NRIP1: variants seen among roughly 807,000 people sequenced by gnomAD.
NRIP1 encodes the protein nuclear receptor-interacting protein 1.
In NRIP1, 28 loss-of-function variants were observed where a neutral mutation model predicts 75.0. That is an observed-to-expected ratio of 0.37 (90% CI 0.28 to 0.51). The LOEUF (loss-of-function observed/expected upper bound fraction) is 0.51, where lower values mean the gene tolerates loss of function less well. Ranked by LOEUF, NRIP1 falls within the 20% of genes least tolerant of loss-of-function variation. The pLI is 0.92. For missense variants in NRIP1, 1,435 were observed against 1,343.7 expected, an observed-to-expected ratio of 1.07 and a Z score of -1.06; for synonymous variants, 526 against 487.6, an observed-to-expected ratio of 1.08 and a Z score of -1.04.
intron 2 of NRIP1, among the ~76,000 whole-genome samples, chr21:15,022,271 A>C (rs1465551040): frequency 6.6e-6 from 1 of 152,210 alleles, no homozygotes; most frequent in African/African-American, 2.4e-5. Flanking sequence ...TATCCTCAGC[A>C]AACTAACGCG....
rs148357120 is a variant in NRIP1, at chr21:15,057,379, G to A, written c.-538+7366C>T. On this transcript the variant is annotated intron_variant, in intron 1 of 3. Transcript: ENST00000318948. ...TTTCACTGCCTCAAATAACACCGCA[G>A]TAATTCTGTGATACACTTCAGAAGA... Among the ~76,000 whole-genome samples, 1,047 of 152,302 alleles carry A rather than the reference G, an allele frequency of 6.9e-3. 10 individuals are homozygous for A. The highest frequency in any genetic ancestry group is 0.024 in the African/African-American group (982 of 41,558).
intron 1 of NRIP1, among the ~76,000 whole-genome samples, chr21:15,058,701 G>A (rs1442798415): frequency 6.6e-6 from 1 of 151,980 alleles, no homozygotes; most frequent in African/African-American, 2.4e-5. Context: ...GTACATAAAC[G>A]ATTCCCCATC....
chr21:15,062,846 T>G (rs1332025994), intron 1 of NRIP1, among the ~76,000 whole-genome samples: 2 of 152,232 alleles, frequency 1.3e-5, no homozygotes, highest in Non-Finnish European at 2.9e-5. Flanking sequence ...CACACTTCTT[T>G]AGTGCAAAGT....
At chr21:15,012,540 G>A (rs1393751156) in intron 3 of NRIP1, among the ~76,000 whole-genome samples, 3 of 119,068 alleles carry the variant, frequency 2.5e-5, no homozygotes, top group South Asian at 2.9e-4. Flanking sequence ...CTGCAACCCC[G>A]ACTGCCGACT....
At position 14,966,221 on chromosome 21, in the gene NRIP1, T is replaced by C; in HGVS notation, c.1972A>G (p.Asn658Asp). 1.2e-6 allele frequency: 2 copies of C among 1,613,998 alleles called. No homozygotes were observed. Among genetic ancestry groups the C allele is most frequent in the Admixed American group, 3.3e-5 (2 of 59,980 alleles). Residue 658 changes from asparagine (N) to aspartate (D), a missense_variant, in exon 4 of 4, where the codon AAC becomes GAC. Transcript: ENST00000318948. Reference protein sequence around the residue: ...QRPSKQLLTGNTDKPIGMIDR... With the variant: ...QRPSKQLLTGDTDKPIGMIDR... ...ATCATACCTATCGGTTTATCTGTGT[T>C]TCCAGTTAACAGCTGTTTGCTGGGT... is the stretch of plus-strand genomic sequence containing the variant.
At chr21:15,053,045 T>A (rs1017753852) in intron 1 of NRIP1, among the ~76,000 whole-genome samples, 1 of 152,232 alleles carries the variant, frequency 6.6e-6, no homozygotes, top group Non-Finnish European at 1.5e-5. Context: ...TTTTACCTAT[T>A]CTCAATATTA....
At chr21:14,985,339 T>C (rs1201591563) in intron 3 of NRIP1, among the ~76,000 whole-genome samples, 1 of 152,166 alleles carries the variant, frequency 6.6e-6, no homozygotes, top group Non-Finnish European at 1.5e-5. Context: ...CAATATATCT[T>C]TTTCCCTGGA....
intron 1 of NRIP1, among the ~76,000 whole-genome samples, chr21:15,046,358 G>C (rs1308836356): frequency 6.6e-6 from 1 of 152,192 alleles, no homozygotes; most frequent in Non-Finnish European, 1.5e-5. Context: ...TGAGTGACCA[G>C]GTGCGTGGTC....
chr21:15,016,308 G>A (rs1783906882), intron 2 of NRIP1, among the ~76,000 whole-genome samples: 1 of 152,104 alleles, frequency 6.6e-6, no homozygotes, highest in Non-Finnish European at 1.5e-5. Flanking sequence ...ATACCTAGAA[G>A]GATGTGATTC....
intron 1 of NRIP1, among the ~76,000 whole-genome samples, chr21:15,049,223 C>T (rs572917452): frequency 6.6e-6 from 1 of 152,012 alleles, no homozygotes; most frequent in South Asian, 2.1e-4. Context: ...CACAGGATGC[C>T]AAGTATGTTA....
intron 3 of NRIP1, among the ~76,000 whole-genome samples, chr21:14,997,070 C>T (rs1266419661): frequency 6.6e-6 from 1 of 152,092 alleles, no homozygotes; most frequent in Non-Finnish European, 1.5e-5. Context: ...ACTGTGTTAA[C>T]TGCTCTTCAT....
In NRIP1 at chr21:14,967,575, C is replaced by A. The variant is rs1478705025; in HGVS notation, c.618G>T (p.Val206=). 6.2e-7 allele frequency: 1 copy of A among 1,614,104 alleles called. No individual in the cohort carries two copies. The highest frequency in any genetic ancestry group is 1.1e-5 in the South Asian group (1 of 91,058). The change falls in exon 4 of 4, where the codon GTG becomes GTT. Residue 206 remains valine (V), a synonymous_variant. Coordinates refer to ENST00000318948, the MANE Select transcript of NRIP1 (RefSeq NM_003489.4). ...DQKPDTNLPD[V]TKNLIRDRFA... ...ACCTATCTCTGATGAGGTTTTTAGT[C>A]ACATCAGGAAGATTCGTATCAGGCT...
At chr21:14,974,473 G>A (rs757525238) in intron 3 of NRIP1, among the ~76,000 whole-genome samples, 1 of 152,138 alleles carries the variant, frequency 6.6e-6, no homozygotes, top group African/African-American at 2.4e-5. Flanking sequence ...TAGACTAACA[G>A]CAATTACAAT....
chr21:14,971,946 A>T lies in NRIP1; in HGVS notation c.-334-3420T>A, dbSNP rs544232002. On this transcript the variant is annotated intron_variant, in intron 3 of 3. Transcript: ENST00000318948. ...TTTTTCATTAATTTCTTTGAAAAAAATCCTATAAAACGTACCAATTACATG... is the reference window on the plus strand; with the variant it reads ...TTTTTCATTAATTTCTTTGAAAAAATTCCTATAAAACGTACCAATTACATG... Among the ~76,000 whole-genome samples, 295 of 152,374 alleles carry T rather than the reference A, an allele frequency of 1.9e-3. 1 individual carries two copies. Among genetic ancestry groups the T allele is most frequent in the Non-Finnish European group, 3.2e-3 (219 of 68,038 alleles).
At chr21:15,059,988 A>G (rs13052479) in intron 1 of NRIP1, among the ~76,000 whole-genome samples, 19,798 of 152,164 alleles carry the variant, frequency 0.13, 2,451 homozygotes, top group African/African-American at 0.32. Flanking sequence ...AAGAACTTAA[A>G]GAAAAATATT....
chr21:15,011,212 T>G (rs1335354867), intron 3 of NRIP1, among the ~76,000 whole-genome samples: 1 of 152,124 alleles, frequency 6.6e-6, no homozygotes, highest in South Asian at 2.1e-4. Context: ...TTTTTTGAGA[T>G]GGAGTCTTGC....
At chr21:15,031,085 A>G in intron 2 of NRIP1, among the ~76,000 whole-genome samples, 1 of 46,228 alleles carries the variant, frequency 2.2e-5, no homozygotes. Flanking sequence ...ACACTCTGGA[A>G]GGCGCTCGGA....
At chr21:14,996,640 T>C (rs1760572122) in intron 3 of NRIP1, among the ~76,000 whole-genome samples, 1 of 152,182 alleles carries the variant, frequency 6.6e-6, no homozygotes, top group Admixed American at 6.5e-5. Flanking sequence ...TATGTCCTGT[T>C]TTCCACCACT....
chr21:15,041,222 A>T (rs1335981783), intron 2 of NRIP1, among the ~76,000 whole-genome samples: 2 of 152,120 alleles, frequency 1.3e-5, no homozygotes, highest in African/African-American at 2.4e-5. Flanking sequence ...TAATGTTGAT[A>T]AAAAAAGACA....
Sources: allele counts gnomAD v4.1 joint callset (sites outside exome capture counted in the v4.1 genomes callset), GRCh38; gene constraint gnomAD v4.1.1; transcripts MANE v1.5; gene names NCBI Gene and HGNC (gene_info 2026-07-23, HGNC 2026-07-21).